Variants in SHANK2 observed in about 807,000 individuals in gnomAD.
SHANK2 encodes SH3 and multiple ankyrin repeat domains 2, also known as SH3 and multiple ankyrin repeat domains protein 2.
A neutral mutation model predicts 133.7 loss-of-function variants in SHANK2; 43 were observed. The observed-to-expected ratio is 0.32, with a 90% CI of 0.25 to 0.41. SHANK2 has a LOEUF of 0.41. Ranked by LOEUF, SHANK2 falls within the 10% of genes least tolerant of loss-of-function variation. The pLI, the probability that SHANK2 is intolerant of heterozygous loss-of-function variation, is 1.00. For synonymous variants in SHANK2, 1,017 were observed against 952.8 expected (o/e 1.07, Z -1.24); for missense variants, 1,994 against 2,235.8 (o/e 0.89, Z 2.18).
intron 14 of SHANK2, among the ~76,000 whole-genome samples, chr11:70,700,012 TG>T (rs1278418174): frequency 5.9e-5 from 9 of 152,238 alleles, no homozygotes; most frequent in Non-Finnish European, 8.8e-5. Flanking sequence ...TCTGAGACCC[TG>T]GGGTCAACAG....
At chr11:71,154,535 G>A (rs1342237116) in intron 2 of SHANK2, among the ~76,000 whole-genome samples, 11 of 152,352 alleles carry the variant, frequency 7.2e-5, no homozygotes, top group African/African-American at 1.9e-4. Flanking sequence ...CACATCAGCT[G>A]AGAAGGAGCT....
intron 11 of SHANK2, among the ~76,000 whole-genome samples, chr11:70,879,230 T>G (rs1294151749): frequency 1.3e-5 from 2 of 152,266 alleles, no homozygotes; most frequent in Non-Finnish European, 2.9e-5. Flanking sequence ...TAGGTACATA[T>G]GCGTACAAGT....
chr11:70,650,272 C>A (rs1185556451), intron 17 of SHANK2, among the ~76,000 whole-genome samples: 2 of 152,216 alleles, frequency 1.3e-5, no homozygotes, highest in East Asian at 3.9e-4. Flanking sequence ...GAAGAGATTT[C>A]TCCATCGAGT....
At chr11:71,099,589 T>A (rs1023033628) in intron 6 of SHANK2, among the ~76,000 whole-genome samples, 26 of 152,178 alleles carry the variant, frequency 1.7e-4, no homozygotes, top group African/African-American at 6.0e-4. Context: ...ATAAAGTACT[T>A]GTAGCCAAAT....
At chr11:71,109,103 C>T (rs1480032561) in intron 6 of SHANK2, among the ~76,000 whole-genome samples, 1 of 152,150 alleles carries the variant, frequency 6.6e-6, no homozygotes. Context: ...GGCTGGCACA[C>T]TCAAGACAAG....
chr11:70,580,640 G>A (rs59675964), intron 17 of SHANK2, among the ~76,000 whole-genome samples: 4,493 of 152,284 alleles, frequency 0.03, 228 homozygotes, highest in African/African-American at 0.1. Context: ...CAAGGACAGC[G>A]CCGTGGCACT....
At chr11:70,835,946 G>T (rs1948808801) in intron 11 of SHANK2, among the ~76,000 whole-genome samples, 1 of 152,100 alleles carries the variant, frequency 6.6e-6, no homozygotes, top group Admixed American at 6.5e-5. Context: ...GGCACCCCGA[G>T]CCCACTGCAC....
At position 70,828,944 on chromosome 11, in the gene SHANK2, G is replaced by A. The variant is rs143313168; in HGVS notation, c.1175-8262C>T. On this transcript the variant is annotated intron_variant, in intron 11 of 25. Transcript: ENST00000601538. ...AAGTTTCTGAGCCAATCACTGCTCC[G>A]GCGCTGCTGCCTCTGCGGCCTGCCA... 4.3e-4 allele frequency among the ~76,000 whole-genome samples: 65 copies of A among 152,366 alleles called. 1 individual carries two copies. Among genetic ancestry groups the A allele is most frequent in the African/African-American group, 1.5e-3 (63 of 41,592 alleles).
At chr11:70,754,250 T>C (rs1339379353) in intron 14 of SHANK2, among the ~76,000 whole-genome samples, 1 of 152,184 alleles carries the variant, frequency 6.6e-6, no homozygotes, top group African/African-American at 2.4e-5. Flanking sequence ...AGGGAACGCT[T>C]CCCAAATTAA....
chr11:70,811,648 TC>T (rs1234299309), intron 12 of SHANK2, among the ~76,000 whole-genome samples: 5 of 148,348 alleles, frequency 3.4e-5, no homozygotes, highest in Admixed American at 3.4e-4. Context: ...CATCCATCCA[TC>T]CATCCATCCA....
At chr11:70,794,701 G>T (rs1163508166) in intron 14 of SHANK2, among the ~76,000 whole-genome samples, 1 of 152,064 alleles carries the variant, frequency 6.6e-6, no homozygotes, top group Non-Finnish European at 1.5e-5. Context: ...GGGATTACAG[G>T]CATCACCATC....
Position 70,727,497 on chromosome 11 carries a change from T to G in SHANK2, c.1778-28734A>C, listed in dbSNP as rs527419659. 5.1e-3 allele frequency among the ~76,000 whole-genome samples: 774 copies of G among 152,302 alleles called. 4 individuals are homozygous for G. Among genetic ancestry groups the G allele is most frequent in the Non-Finnish European group, 8.5e-3 (578 of 68,016 alleles). On this transcript the variant is annotated intron_variant, in intron 14 of 25. Transcript: ENST00000601538. ...TTGTTCCCTGATGTAAGAGGCACCA[T>G]GGTAGAGCAGGGGTATCCTAGGAGC...
chr11:70,635,984 ACG>A lies in SHANK2; in HGVS notation c.2061+23842_2061+23843del, dbSNP rs1396349681. ...CCACCCCTCCCGAATGTTCCAGAAT[ACG>A]CAGAGTCTTTCCCTGGTCCAGGTGG... On this transcript the variant is annotated intron_variant, in intron 17 of 25. Coordinates refer to ENST00000601538, the MANE Select transcript of SHANK2 (RefSeq NM_012309.5). Among the ~76,000 whole-genome samples, 24 of 152,330 alleles carry A rather than the reference ACG, an allele frequency of 1.6e-4. No homozygotes were observed. The East Asian group carries it at 4.3e-3, about 27-fold the overall frequency.
At chr11:70,917,029 G>A (rs1267338014) in intron 10 of SHANK2, among the ~76,000 whole-genome samples, 4 of 152,144 alleles carry the variant, frequency 2.6e-5, no homozygotes, top group African/African-American at 9.7e-5. Context: ...ATGAGGAGAG[G>A]GAAAGCGACC....
At chr11:71,168,610 G>A (rs974948482) in intron 2 of SHANK2, among the ~76,000 whole-genome samples, 1 of 152,222 alleles carries the variant, frequency 6.6e-6, no homozygotes, top group African/African-American at 2.4e-5. Flanking sequence ...ATCACTCGCA[G>A]TTAGGAGCTG....
chr11:70,831,804 C>A (rs377392991), intron 11 of SHANK2, among the ~76,000 whole-genome samples: 3 of 152,242 alleles, frequency 2.0e-5, no homozygotes, highest in Non-Finnish European at 4.4e-5. Context: ...GGCGATCAGA[C>A]GCCCGCCTCC....
chr11:71,142,391 C>T (rs1490104976), intron 3 of SHANK2, among the ~76,000 whole-genome samples: 4 of 152,276 alleles, frequency 2.6e-5, no homozygotes, highest in African/African-American at 7.2e-5. Context: ...ATCCCAGCTA[C>T]TCAGGAGGCT....
intron 17 of SHANK2, among the ~76,000 whole-genome samples, chr11:70,646,800 G>A (rs1591699955): frequency 1.3e-5 from 2 of 151,390 alleles, no homozygotes; most frequent in East Asian, 3.9e-4. Flanking sequence ...TACTTCTCCA[G>A]TTATTAAAAG....
intron 10 of SHANK2, among the ~76,000 whole-genome samples, chr11:70,903,101 A>G (rs910175322): frequency 2.6e-5 from 4 of 152,014 alleles, no homozygotes; most frequent in African/African-American, 9.7e-5. Context: ...AGCCGGCTGG[A>G]CTCAGTGGCT....
Sources: allele counts gnomAD v4.1 joint callset (sites outside exome capture counted in the v4.1 genomes callset), GRCh38; gene constraint gnomAD v4.1.1; transcripts MANE v1.5; gene names NCBI Gene and HGNC (gene_info 2026-07-23, HGNC 2026-07-21).